The following PUDP variants were observed in gnomAD, a reference collection of about 807,000 sequenced individuals.
PUDP encodes pseudouridine-5'-phosphatase.
In PUDP, 8 loss-of-function variants were observed where a neutral mutation model predicts 9.4. The ratio of observed to expected loss-of-function variants is 0.85; its 90% CI spans 0.50 to 1.53. The LOEUF (loss-of-function observed/expected upper bound fraction) is 1.53. Ranked by LOEUF, PUDP falls within the 40% of genes most tolerant of loss-of-function variation. The probability of loss-of-function intolerance (pLI) is 0.00; values close to 1 mark genes in which losing one functional copy is unlikely to be tolerated. For missense variants in PUDP, 188 were observed against 189.7 expected, an observed-to-expected ratio of 0.99 and a Z score of 0.05; for synonymous variants, 99 against 80.7, an observed-to-expected ratio of 1.23 and a Z score of -1.22.
intron 3 of PUDP, among the ~76,000 whole-genome samples, chrX:6,897,661 C>T (rs1927612175): frequency 9.0e-6 from 1 of 111,537 alleles, no homozygotes; most frequent in Admixed American, 9.5e-5. Flanking sequence ...CAGCAGACAT[C>T]ATTTCTCATG....
At chrX:7,091,355 T>C (rs1231117854) in intron 2 of PUDP, among the ~76,000 whole-genome samples, 1 of 111,646 alleles carries the variant, frequency 9.0e-6, no homozygotes, top group Non-Finnish European at 1.9e-5. Context: ...ATTCGTTCTT[T>C]TTAAGACAGA....
At chrX:6,930,633 C>G (rs988089119) in intron 3 of PUDP, among the ~76,000 whole-genome samples, 5 of 111,523 alleles carry the variant, frequency 4.5e-5, no homozygotes, top group African/African-American at 1.3e-4. Flanking sequence ...AATAGCCAAC[C>G]AGCAGCCCAT....
At chrX:6,937,966 TAA>T (rs1286180013) in intron 3 of PUDP, among the ~76,000 whole-genome samples, 1 of 58,489 alleles carries the variant, frequency 1.7e-5, no homozygotes, top group Non-Finnish European at 3.1e-5. Flanking sequence ...TGGCAATCAT[TAA>T]AAAGTCAGGA....
At chrX:6,835,585 G>A (rs1180626505) in intron 3 of PUDP, among the ~76,000 whole-genome samples, 1 of 111,800 alleles carries the variant, frequency 8.9e-6, no homozygotes, top group Non-Finnish European at 1.9e-5. Context: ...ATTATTTCCT[G>A]AGAAATCTGA....
In PUDP at chrX:6,877,081, C is replaced by T. The variant is rs367899969; in HGVS notation, c.*247+100052G>A. ...AACTCCTGGGTTCAAGTGATCCTCC[C>T]GAGTAGCTGGGACTATAGGCATGTG... is the stretch of plus-strand genomic sequence containing the variant. On this transcript the variant is annotated intron_variant and NMD_transcript_variant, in intron 3 of 3. Coordinates refer to the PUDP transcript ENST00000655425. Among the ~76,000 whole-genome samples, 13 of 109,787 alleles carry T rather than the reference C, an allele frequency of 1.2e-4. No homozygotes were observed. In the South Asian group the frequency reaches 2.0e-3, roughly 17 times the overall value.
chrX:7,083,429 T>C (rs192688131), intron 2 of PUDP, among the ~76,000 whole-genome samples: 2 of 111,088 alleles, frequency 1.8e-5, no homozygotes, highest in East Asian at 5.7e-4. Context: ...AAAAACAGAA[T>C]GCTAGAAAAG....
intron 3 of PUDP, among the ~76,000 whole-genome samples, chrX:7,061,391 AAT>A (rs1930397788): frequency 9.0e-6 from 1 of 111,513 alleles, no homozygotes; most frequent in Non-Finnish European, 1.9e-5. Context: ...CCCCAAAGCC[AAT>A]TTTTATACCT....
intron 3 of PUDP, among the ~76,000 whole-genome samples, chrX:6,904,260 AT>A (rs931972639): frequency 2.7e-5 from 3 of 110,512 alleles, no homozygotes; most frequent in Non-Finnish European, 5.7e-5. Context: ...CCCTAAAATA[AT>A]TTTTTTAATG....
In PUDP at chrX:7,012,281, G is replaced by A. The variant is rs183434551; in HGVS notation, c.205-33938C>T. On this transcript the variant is annotated intron_variant and NMD_transcript_variant, in intron 1 of 3. Transcript: ENST00000655425. ...TGTGATTATAGGAGAAAAAAGCTTT[G>A]AGCTTTTGGCACTTAGGTGCTACAT... Among the ~76,000 whole-genome samples the A allele has an allele frequency of 7.6e-3, 854 of 112,133 alleles. 9 individuals are homozygous for A. Among genetic ancestry groups the A allele is most frequent in the Admixed American group, 0.027 (284 of 10,612 alleles).
intron 3 of PUDP, among the ~76,000 whole-genome samples, chrX:6,733,841 G>A (rs947689703): frequency 1.1e-5 from 1 of 91,288 alleles, no homozygotes; most frequent in Non-Finnish European, 2.1e-5. Flanking sequence ...GCAGTGACAG[G>A]ATCTCGACTC....
At chrX:7,112,774 G>A (rs918757284) in intron 1 of PUDP, among the ~76,000 whole-genome samples, 5 of 111,174 alleles carry the variant, frequency 4.5e-5, no homozygotes, top group Non-Finnish European at 9.4e-5. Flanking sequence ...TGATCCTCCC[G>A]CCTCAGCCTC....
chrX:7,054,758 G>GA, intron 3 of PUDP, among the ~76,000 whole-genome samples: 1 of 110,979 alleles, frequency 9.0e-6, no homozygotes, highest in African/African-American at 3.3e-5. Context: ...ACCTTTCCCC[G>GA]ACATTTGCCG....
intron 1 of PUDP, among the ~76,000 whole-genome samples, chrX:6,713,561 T>C (rs1351043211): frequency 8.9e-6 from 1 of 112,450 alleles, no homozygotes; most frequent in Non-Finnish European, 1.9e-5. Flanking sequence ...TGATATTTGA[T>C]AGGTGACGTG....
At chrX:6,806,412 G>C (rs1031483924) in intron 3 of PUDP, among the ~76,000 whole-genome samples, 1 of 111,569 alleles carries the variant, frequency 9.0e-6, no homozygotes, top group Non-Finnish European at 1.9e-5. Flanking sequence ...CCATAGTCTT[G>C]AACTCCCTGG....
chrX:6,954,061 A>T (rs761099322), intron 3 of PUDP, among the ~76,000 whole-genome samples: 10 of 109,828 alleles, frequency 9.1e-5, no homozygotes, highest in African/African-American at 3.3e-4. Flanking sequence ...CATGTGAAGG[A>T]TGTGTTTTCT....
At chrX:6,988,295 C>T (rs1457022919) in intron 1 of PUDP, among the ~76,000 whole-genome samples, 1 of 111,473 alleles carries the variant, frequency 9.0e-6, no homozygotes, top group South Asian at 3.9e-4. Flanking sequence ...CTCCTATATC[C>T]CCAGCCCCTA....
chrX:6,967,003 C>CT (rs1928795820), intron 3 of PUDP, among the ~76,000 whole-genome samples: 1 of 111,680 alleles, frequency 9.0e-6, no homozygotes, highest in Non-Finnish European at 1.9e-5. Flanking sequence ...GCACCACTGC[C>CT]TTCTCTCTGG....
intron 3 of PUDP, among the ~76,000 whole-genome samples, chrX:6,727,531 T>C (rs1318002102): frequency 8.9e-6 from 1 of 112,289 alleles, no homozygotes; most frequent in Non-Finnish European, 1.9e-5. Flanking sequence ...CTCAGCACTT[T>C]TTACTACTGG....
At chrX:6,904,374 G>A (rs529983901) in intron 3 of PUDP, among the ~76,000 whole-genome samples, 2 of 111,155 alleles carry the variant, frequency 1.8e-5, no homozygotes, top group African/African-American at 6.5e-5. Flanking sequence ...CATCTGGTGA[G>A]TAGAGACCAG....
Sources: allele counts gnomAD v4.1 joint callset (sites outside exome capture counted in the v4.1 genomes callset), GRCh38; gene constraint gnomAD v4.1.1; transcripts MANE v1.5; gene names NCBI Gene and HGNC (gene_info 2026-07-23, HGNC 2026-07-21).